Variants in ADGRB3 observed in about 807,000 individuals in gnomAD.
ADGRB3 encodes brain-specific angiogenesis inhibitor 3.
In ADGRB3, 37 loss-of-function variants were observed where a neutral mutation model predicts 193.4. The ratio of observed to expected loss-of-function variants is 0.19; its 90% CI spans 0.15 to 0.25. The LOEUF (loss-of-function observed/expected upper bound fraction) is 0.25. Among genes scored for constraint, ADGRB3 ranks in the 10% least tolerant of loss-of-function variants. The pLI is 1.00. For missense variants in ADGRB3, 1,637 were observed against 1,852.9 expected (o/e 0.88, Z 2.14); for synonymous variants, 690 against 644.2 (o/e 1.07, Z -1.08).
intron 29 of ADGRB3, among the ~76,000 whole-genome samples, chr6:69,368,088 A>G (rs1412129273): frequency 6.6e-6 from 1 of 151,880 alleles, no homozygotes; most frequent in Non-Finnish European, 1.5e-5. Flanking sequence ...TGGCACATGT[A>G]TACATATGTA....
chr6:68,839,477 C>T (rs1768109655), intron 3 of ADGRB3, among the ~76,000 whole-genome samples: 2 of 152,138 alleles, frequency 1.3e-5, no homozygotes, highest in South Asian at 4.1e-4. Context: ...CCATCATTCT[C>T]CCAAGTATCC....
intron 3 of ADGRB3, among the ~76,000 whole-genome samples, chr6:68,845,219 C>A (rs1768249507): frequency 6.6e-6 from 1 of 151,974 alleles, no homozygotes; most frequent in African/African-American, 2.4e-5. Context: ...TCTCATGTTC[C>A]TCATAAATAT....
At chr6:69,083,543 T>C (rs1359080357) in intron 17 of ADGRB3, among the ~76,000 whole-genome samples, 2 of 152,082 alleles carry the variant, frequency 1.3e-5, no homozygotes, top group Non-Finnish European at 2.9e-5. Flanking sequence ...ATGATAGATA[T>C]ACAAATTATG....
intron 11 of ADGRB3, 110 bp downstream of exon 11, chr6:68,994,072 C>T (rs1769316876): frequency 9.3e-7 from 1 of 1,071,140 alleles, no homozygotes; most frequent in South Asian, 1.6e-5. Context: ...AGATAATGCT[C>T]ATCCAAGTTA....
At chr6:68,719,254 A>C (rs1320042579) in intron 3 of ADGRB3, among the ~76,000 whole-genome samples, 1 of 151,760 alleles carries the variant, frequency 6.6e-6, no homozygotes, top group African/African-American at 2.4e-5. Flanking sequence ...ATCTGTATCT[A>C]TACTGTATTC....
chr6:69,070,572 T>A (rs1333353673), intron 16 of ADGRB3, among the ~76,000 whole-genome samples: 1 of 152,182 alleles, frequency 6.6e-6, no homozygotes, highest in East Asian at 1.9e-4. Context: ...GTTTTCAGCA[T>A]GTTATTTCTG....
At chr6:69,361,534 T>G in intron 29 of ADGRB3, 22 bp downstream of exon 29, 1 of 1,593,702 alleles carries the variant, frequency 6.3e-7, no homozygotes, top group Non-Finnish European at 8.6e-7. Flanking sequence ...AAGATTAAAT[T>G]TTTCCTTGAT....
intron 3 of ADGRB3, among the ~76,000 whole-genome samples, chr6:68,696,238 C>G (rs2802680): frequency 6.6e-6 from 1 of 151,546 alleles, no homozygotes; most frequent in Non-Finnish European, 1.5e-5. Context: ...ATTATTGTGT[C>G]GCTGTGGAAT....
chr6:69,331,532 T>C, intron 23 of ADGRB3: 1 of 985,338 alleles, frequency 1.0e-6, no homozygotes, highest in South Asian at 4.7e-5. Context: ...TTTCTCCCTT[T>C]AAGCTTGTTC....
At chr6:69,101,992 A>G (rs1467788505) in intron 17 of ADGRB3, among the ~76,000 whole-genome samples, 2 of 152,004 alleles carry the variant, frequency 1.3e-5, no homozygotes, top group Non-Finnish European at 2.9e-5. Flanking sequence ...GATCAAGACC[A>G]CGGTGAAACC....
chr6:69,366,356 G>T (rs1040916436), intron 29 of ADGRB3, among the ~76,000 whole-genome samples: 2 of 151,974 alleles, frequency 1.3e-5, no homozygotes, highest in African/African-American at 4.8e-5. Context: ...TAGGTTTATT[G>T]GTCACTTTGT....
intron 3 of ADGRB3, among the ~76,000 whole-genome samples, chr6:68,787,119 T>G (rs1468845772): frequency 6.6e-6 from 1 of 152,204 alleles, no homozygotes; most frequent in Non-Finnish European, 1.5e-5. Context: ...TTTGACTTCC[T>G]CTTTTCCTAA....
chr6:68,911,812 C>CT lies in ADGRB3; in HGVS notation c.758-18732dup, dbSNP rs79737496. On this transcript the variant is annotated intron_variant, in intron 3 of 31. Coordinates refer to ENST00000370598, the MANE Select transcript of ADGRB3 (RefSeq NM_001704.3). ...TGAAAGTTGGCTTTTTGGAAAATTA[C>CT]TTTTTTTTTTTTTTTGCTACACAAA... 8.0e-3 allele frequency among the ~76,000 whole-genome samples: 962 copies of CT among 120,028 alleles called. 8 individuals carry two copies. The highest frequency in any genetic ancestry group is 0.041 in the South Asian group (154 of 3,742). 78.7% of individuals were successfully genotyped at this position (120,028 alleles called of 152,430 possible).
At chr6:68,975,920 A>G (rs1292850184) in intron 10 of ADGRB3, among the ~76,000 whole-genome samples, 3 of 152,314 alleles carry the variant, frequency 2.0e-5, no homozygotes, top group Middle Eastern at 3.4e-3. Flanking sequence ...TGATGCATGA[A>G]TATTTTGAGC....
rs531848773 is a variant in ADGRB3 at position 68,907,120 on chromosome 6, T to C, written c.758-23439T>C. Among the ~76,000 whole-genome samples the C allele has an allele frequency of 8.9e-4, 135 of 152,084 alleles. 1 individual carries two copies. Among genetic ancestry groups the C allele is most frequent in the African/African-American group, 2.9e-3 (122 of 41,568 alleles). The stretch of plus-strand genomic sequence containing the variant: ...TCACTCAGTAATTCGGATTCAAATT[T>C]ATAGTTATGCTCCCAATAGCTTTAG... On this transcript the variant is annotated intron_variant, in intron 3 of 31. Coordinates refer to ENST00000370598, the MANE Select transcript of ADGRB3 (RefSeq NM_001704.3).
intron 24 of ADGRB3, among the ~76,000 whole-genome samples, chr6:69,338,535 CAATG>C (rs1169227329): frequency 6.6e-6 from 1 of 152,196 alleles, no homozygotes. Context: ...CTGCAATTAA[CAATG>C]AACATCCTCA....
chr6:68,921,976 G>A (rs188300753), intron 3 of ADGRB3, among the ~76,000 whole-genome samples: 13 of 152,106 alleles, frequency 8.5e-5, no homozygotes, highest in South Asian at 2.1e-4. Context: ...GATGAGATAC[G>A]CACTTGGTTT....
chr6:69,297,301 A>G (rs1767842822), intron 20 of ADGRB3, among the ~76,000 whole-genome samples: 2 of 151,388 alleles, frequency 1.3e-5, no homozygotes, highest in South Asian at 2.1e-4. Flanking sequence ...GTTCCATACC[A>G]CAGACCACTT....
At chr6:68,866,932 A>G (rs1162074911) in intron 3 of ADGRB3, among the ~76,000 whole-genome samples, 1 of 152,234 alleles carries the variant, frequency 6.6e-6, no homozygotes, top group African/African-American at 2.4e-5. Context: ...ATGCATTCAC[A>G]AAGAGATGGT....
Sources: gnomAD v4.1 joint callset for allele counts (sites outside exome capture counted in the v4.1 genomes callset) on GRCh38, gnomAD v4.1.1 for gene constraint, MANE v1.5 for transcripts, NCBI Gene and HGNC (gene_info 2026-07-23, HGNC 2026-07-21) for gene names.